Variants in DPP10 observed in about 807,000 individuals in gnomAD.
The protein encoded by DPP10 is inactive dipeptidyl peptidase 10.
In DPP10, 33 loss-of-function variants were observed where a neutral mutation model predicts 120.9. The observed-to-expected ratio is 0.27, with a 90% confidence interval of 0.21 to 0.37. The LOEUF (loss-of-function observed/expected upper bound fraction) is 0.37, where lower values mean the gene tolerates loss of function less well. DPP10 is among the 10% of genes least tolerant of loss of function. DPP10 has a pLI of 1.00. For missense variants in DPP10, 816 were observed against 942.8 expected, an observed-to-expected ratio of 0.87 and a Z score of 1.76; for synonymous variants, 337 against 326.1, an observed-to-expected ratio of 1.03 and a Z score of -0.36.
chr2:114,743,737 G>C (rs920873605), intron 1 of DPP10, among the ~76,000 whole-genome samples: 2 of 152,040 alleles, frequency 1.3e-5, no homozygotes, highest in Non-Finnish European at 2.9e-5. Context: ...AGGTTGTAAG[G>C]ATTAAATGAT....
intron 1 of DPP10, among the ~76,000 whole-genome samples, chr2:114,710,452 A>C (rs1331585705): frequency 6.6e-6 from 1 of 152,212 alleles, no homozygotes; most frequent in Non-Finnish European, 1.5e-5. Context: ...GCTTTATAGA[A>C]TAAAAGCACA....
At chr2:115,636,505 A>G (rs1030889309) in intron 5 of DPP10, among the ~76,000 whole-genome samples, 3 of 152,076 alleles carry the variant, frequency 2.0e-5, no homozygotes, top group African/African-American at 4.8e-5. Context: ...TAATTGTGCA[A>G]TCTCCTTTGG....
intron 2 of DPP10, among the ~76,000 whole-genome samples, chr2:115,329,741 C>T (rs1267878829): frequency 6.6e-6 from 1 of 152,148 alleles, no homozygotes; most frequent in South Asian, 2.1e-4. Flanking sequence ...CCAGCTTCTT[C>T]CATGTCCCTA....
intron 3 of DPP10, among the ~76,000 whole-genome samples, chr2:115,419,594 A>G (rs1327148588): frequency 6.6e-6 from 1 of 152,124 alleles, no homozygotes; most frequent in Non-Finnish European, 1.5e-5. Flanking sequence ...ACATTTCAAC[A>G]TGAGACTTGG....
chr2:115,646,367 T>C (rs1221062784), intron 5 of DPP10, among the ~76,000 whole-genome samples: 2 of 152,120 alleles, frequency 1.3e-5, no homozygotes, highest in African/African-American at 4.8e-5. Flanking sequence ...GAACACAGCC[T>C]GACTCTGGGT....
chr2:115,079,541 G>A (rs1708092862), intron 1 of DPP10, among the ~76,000 whole-genome samples: 1 of 152,074 alleles, frequency 6.6e-6, no homozygotes, highest in South Asian at 2.1e-4. Context: ...TTTCTCAGGG[G>A]AGTGTTGTGT....
At chr2:115,391,965 C>G (rs902804931) in intron 3 of DPP10, among the ~76,000 whole-genome samples, 3 of 152,040 alleles carry the variant, frequency 2.0e-5, no homozygotes, top group Admixed American at 2.0e-4. Flanking sequence ...AGGAGATATA[C>G]TATTGACCTA....
At chr2:114,900,376 G>T (rs1431270153) in intron 1 of DPP10, among the ~76,000 whole-genome samples, 7 of 152,212 alleles carry the variant, frequency 4.6e-5, no homozygotes, top group Non-Finnish European at 7.3e-5. Context: ...GAGTAAACCA[G>T]TGGCTCCCCT....
chr2:114,598,656 A>C (rs528301048), intron 1 of DPP10, among the ~76,000 whole-genome samples: 47 of 151,978 alleles, frequency 3.1e-4, no homozygotes, highest in African/African-American at 1.1e-3. Context: ...AATAGTGTTA[A>C]AATGAAAACA....
chr2:115,815,107 G>A, intron 20 of DPP10, 120 bp downstream of exon 20: 1 of 1,010,024 alleles, frequency 9.9e-7, no homozygotes, highest in Non-Finnish European at 1.4e-6. Context: ...AATTTTGTAA[G>A]TTAATCATAA....
At chr2:115,352,802 T>C (rs1370411578) in intron 3 of DPP10, among the ~76,000 whole-genome samples, 1 of 152,104 alleles carries the variant, frequency 6.6e-6, no homozygotes, top group African/African-American at 2.4e-5. Context: ...CTCAGTCCAA[T>C]TACGATGAAG....
chr2:115,512,945 A>G (rs1307855667), intron 4 of DPP10, among the ~76,000 whole-genome samples: 1 of 152,066 alleles, frequency 6.6e-6, no homozygotes, highest in African/African-American at 2.4e-5. Flanking sequence ...TGTTCTGCCT[A>G]CTGGTTCTAT....
intron 1 of DPP10, among the ~76,000 whole-genome samples, chr2:115,259,821 A>G (rs2059170850): frequency 1.3e-5 from 2 of 152,070 alleles, no homozygotes; most frequent in East Asian, 3.9e-4. Flanking sequence ...ATTCACACAA[A>G]CTATATATGA....
At chr2:115,402,009 A>G (rs201169440) in intron 3 of DPP10, among the ~76,000 whole-genome samples, 3 of 152,218 alleles carry the variant, frequency 2.0e-5, no homozygotes, top group African/African-American at 4.8e-5. Context: ...TAGAAATCCA[A>G]TAGCAACACA....
intron 15 of DPP10, 103 bp downstream of exon 15, chr2:115,777,937 G>A: frequency 1.6e-6 from 2 of 1,243,280 alleles, no homozygotes; most frequent in Non-Finnish European, 2.3e-6. Flanking sequence ...TTTTCAACAT[G>A]GCTAGGAAGA....
chr2:114,750,254 TA>T (rs796682957), intron 1 of DPP10, among the ~76,000 whole-genome samples: 1,772 of 147,546 alleles, frequency 0.012, 17 homozygotes, highest in Middle Eastern at 0.034. Flanking sequence ...TGGAAGTTGT[TA>T]AAAAAAAAAT....
intron 1 of DPP10, among the ~76,000 whole-genome samples, chr2:114,582,672 G>T (rs1004484510): frequency 2.6e-5 from 4 of 152,230 alleles, no homozygotes; most frequent in Middle Eastern, 3.4e-3. Flanking sequence ...GCTTTTATTT[G>T]TATTTCGTTG....
chr2:115,388,682 T>G (rs2067121605), intron 3 of DPP10, among the ~76,000 whole-genome samples: 1 of 152,188 alleles, frequency 6.6e-6, no homozygotes, highest in Non-Finnish European at 1.5e-5. Context: ...TGTTTTTTTC[T>G]CCTACTAGAC....
chr2:115,393,853 G>T (rs562068639), intron 3 of DPP10, among the ~76,000 whole-genome samples: 1 of 152,288 alleles, frequency 6.6e-6, no homozygotes, highest in Non-Finnish European at 1.5e-5. Flanking sequence ...GTAAGGGATG[G>T]TGATACATTA....
Sources: gnomAD v4.1 joint callset for allele counts (sites outside exome capture counted in the v4.1 genomes callset) on GRCh38, gnomAD v4.1.1 for gene constraint, MANE v1.5 for transcripts, NCBI Gene and HGNC (gene_info 2026-07-23, HGNC 2026-07-21) for gene names.